FAM222B: variants seen among roughly 807,000 people sequenced by gnomAD.
FAM222B encodes the protein family with sequence similarity 222 member B, also known as protein FAM222B.
In FAM222B, 12 loss-of-function variants were observed where a neutral mutation model predicts 38.0. That is an observed-to-expected ratio of 0.32 (90% confidence interval 0.20 to 0.51). The LOEUF (loss-of-function observed/expected upper bound fraction) is 0.51. FAM222B is among the 20% of genes least tolerant of loss of function. FAM222B has a pLI of 0.97. For synonymous variants in FAM222B, 329 were observed against 317.2 expected (o/e 1.04, Z -0.40); for missense variants, 716 against 754.2 (o/e 0.95, Z 0.59).
intron 1 of FAM222B, among the ~76,000 whole-genome samples, chr17:28,838,376 C>T (rs1331948179): frequency 1.3e-5 from 2 of 149,166 alleles, no homozygotes. Context: ...GTCAGGAGAT[C>T]GAGACCATCC....
chr17:28,854,903 C>T (rs1285704892), intron 1 of FAM222B: 1 of 978,092 alleles, frequency 1.0e-6, no homozygotes, highest in Non-Finnish European at 1.5e-6. Context: ...AATTCCTCCT[C>T]CCGCCCACAT....
At chr17:28,791,363 C>A (rs1465268520) in intron 1 of FAM222B, among the ~76,000 whole-genome samples, 2 of 151,986 alleles carry the variant, frequency 1.3e-5, no homozygotes, top group African/African-American at 4.8e-5. Flanking sequence ...GGGGTTCTTG[C>A]CACTTGGAAT....
At chr17:28,835,703 A>G (rs1756641092) in intron 1 of FAM222B, among the ~76,000 whole-genome samples, 1 of 152,172 alleles carries the variant, frequency 6.6e-6, no homozygotes, top group Non-Finnish European at 1.5e-5. Context: ...TCTGTCGCCC[A>G]GGCTGGAGTG....
intron 1 of FAM222B, among the ~76,000 whole-genome samples, chr17:28,817,815 A>G (rs1290213121): frequency 6.6e-6 from 1 of 152,194 alleles, no homozygotes; most frequent in Non-Finnish European, 1.5e-5. Context: ...GACAGGACAG[A>G]AGGAGAATCA....
chr17:28,804,637 A>G (rs2037395244), intron 1 of FAM222B, among the ~76,000 whole-genome samples: 1 of 152,056 alleles, frequency 6.6e-6, no homozygotes, highest in South Asian at 2.1e-4. Flanking sequence ...CCTGGCCTCT[A>G]ATATAGATTT....
In FAM222B at chr17:28,758,130, A is replaced by G. The variant is rs1450940381; in HGVS notation, c.*140T>C. On this transcript the variant is annotated 3_prime_UTR_variant, in exon 3 of 3. Coordinates refer to ENST00000581407, the MANE Select transcript of FAM222B (RefSeq NM_001077498.3). ...GAGGACCCCTTCTGTCCCCACTTAGATCCCACCAAATTCCCTTTCTTAGAC... is the reference window on the plus strand; with the variant it reads ...GAGGACCCCTTCTGTCCCCACTTAGGTCCCACCAAATTCCCTTTCTTAGAC... 1 of 793,594 alleles carries G rather than the reference A, an allele frequency of 1.3e-6. No homozygotes were observed. Among genetic ancestry groups the G allele is most frequent in the Non-Finnish European group, 1.9e-6 (1 of 515,456 alleles). The allele number at this position is 793,594 out of a possible 1,614,324, so 49.2% of individuals were successfully genotyped here.
intron 1 of FAM222B, among the ~76,000 whole-genome samples, chr17:28,769,516 C>T (rs2035518291): frequency 6.6e-6 from 1 of 152,142 alleles, no homozygotes; most frequent in Admixed American, 6.5e-5. Context: ...CCAGGATGGT[C>T]TCGATCTCTT....
At chr17:28,818,257 G>T (rs149028643) in intron 1 of FAM222B, among the ~76,000 whole-genome samples, 1 of 151,960 alleles carries the variant, frequency 6.6e-6, no homozygotes, top group Admixed American at 6.6e-5. Flanking sequence ...GGCCAGGCGC[G>T]GTGGCTCACG....
At chr17:28,772,876 CAG>C (rs1219065767) in intron 1 of FAM222B, among the ~76,000 whole-genome samples, 1 of 152,114 alleles carries the variant, frequency 6.6e-6, no homozygotes, top group Non-Finnish European at 1.5e-5. Flanking sequence ...GCCTCGGCGA[CAG>C]AGCGAGACTC....
intron 1 of FAM222B, among the ~76,000 whole-genome samples, chr17:28,851,604 G>C (rs894465523): frequency 9.9e-5 from 15 of 151,680 alleles, no homozygotes; most frequent in African/African-American, 3.1e-4. Flanking sequence ...TAGGCTAGGT[G>C]CAGTGACTCA....
intron 1 of FAM222B, among the ~76,000 whole-genome samples, chr17:28,828,874 T>A (rs1404923684): frequency 6.6e-6 from 1 of 151,668 alleles, no homozygotes; most frequent in East Asian, 1.9e-4. Flanking sequence ...AAAAATTTCC[T>A]CATACTACCT....
intron 1 of FAM222B, among the ~76,000 whole-genome samples, chr17:28,774,923 C>T (rs566853989): frequency 4.0e-5 from 6 of 151,136 alleles, no homozygotes; most frequent in East Asian, 2.0e-4. Context: ...GCCAGGGTCA[C>T]AGGGCGAGAC....
chr17:28,845,780 A>G (rs1200768441), upstream of FAM222B, among the ~76,000 whole-genome samples: 10 of 150,914 alleles, frequency 6.6e-5, no homozygotes, highest in South Asian at 1.0e-3. Flanking sequence ...CTGTAGTCCC[A>G]GCTACTTGGG....
intron 1 of FAM222B, among the ~76,000 whole-genome samples, chr17:28,823,117 C>T (rs1284935032): frequency 1.3e-5 from 2 of 150,948 alleles, no homozygotes; most frequent in South Asian, 2.1e-4. Flanking sequence ...GTTACAATGA[C>T]ACAGGAAGTT....
chr17:28,808,452 AAC>A (rs1177858913), intron 1 of FAM222B, among the ~76,000 whole-genome samples: 1 of 152,252 alleles, frequency 6.6e-6, no homozygotes, highest in Non-Finnish European at 1.5e-5. Context: ...CTTCACTGAG[AAC>A]AGACTGTAAA....
chr17:28,761,509 C>T (rs1364356034), intron 2 of FAM222B, among the ~76,000 whole-genome samples: 1 of 152,226 alleles, frequency 6.6e-6, no homozygotes, highest in Non-Finnish European at 1.5e-5. Context: ...CCTCAGGTGG[C>T]CTTGGCCCAA....
chr17:28,793,534 A>G (rs2036797383), intron 1 of FAM222B, among the ~76,000 whole-genome samples: 2 of 152,150 alleles, frequency 1.3e-5, no homozygotes, highest in Admixed American at 6.6e-5. Context: ...TCAGTAACCA[A>G]TGAAAAGCTT....
intron 1 of FAM222B, among the ~76,000 whole-genome samples, chr17:28,821,171 G>A (rs1447255805): frequency 6.6e-6 from 1 of 151,924 alleles, no homozygotes; most frequent in Non-Finnish European, 1.5e-5. Flanking sequence ...GGCCAGGATG[G>A]TCTCGATCTC....
rs2034874681 is a variant in FAM222B, at chr17:28,758,843, G to A, written c.1116C>T (p.His372=). The A allele has an allele frequency of 1.9e-6, 3 of 1,602,954 alleles. No homozygotes were observed. Among genetic ancestry groups the A allele is most frequent in the African/African-American group, 1.3e-5 (1 of 74,732 alleles). The change falls in exon 3 of 3, where the codon CAC becomes CAT. Residue 372 remains histidine (H), a synonymous_variant. Coordinates refer to ENST00000581407, the MANE Select transcript of FAM222B (RefSeq NM_001077498.3). ...PVTWNQHQLA[H]LQQMCSEASG... ...TAGCCTCGCTGCACATCTGCTGTAG[G>A]TGGGCCAGCTGGTGCTGGTTCCAGG...
Sources: allele counts gnomAD v4.1 joint callset (sites outside exome capture counted in the v4.1 genomes callset), GRCh38; gene constraint gnomAD v4.1.1; transcripts MANE v1.5; gene names NCBI Gene and HGNC (gene_info 2026-07-23, HGNC 2026-07-21).